The following ERC2 variants were observed in gnomAD, a reference collection of about 807,000 sequenced individuals.
ERC2 encodes ERC protein 2.
ERC2 carries 42 observed loss-of-function variants against 114.8 expected under a neutral mutation model. The observed-to-expected ratio is 0.37, with a 90% CI of 0.29 to 0.47. The LOEUF is 0.47. Among genes scored for constraint, ERC2 ranks in the 20% least tolerant of loss-of-function variants. The pLI, the probability that ERC2 is intolerant of heterozygous loss-of-function variation, is 0.99. For missense variants in ERC2, 939 were observed against 1,150.7 expected (o/e 0.82, Z 2.66); for synonymous variants, 454 against 425.5 (o/e 1.07, Z -0.82).
chr3:55,927,658 G>C (rs976533637), intron 13 of ERC2, among the ~76,000 whole-genome samples: 32 of 151,632 alleles, frequency 2.1e-4, no homozygotes, highest in African/African-American at 7.8e-4. Context: ...GTTGACTCTA[G>C]TCATCCTGTC....
chr3:55,882,039 ACTC>A (rs2063139730), intron 14 of ERC2, among the ~76,000 whole-genome samples: 1 of 151,996 alleles, frequency 6.6e-6, no homozygotes, highest in African/African-American at 2.4e-5. Context: ...CCCCTCCAAA[ACTC>A]CTATTGAAAT....
chr3:56,465,711 A>G (rs1335502617), intron 1 of ERC2, among the ~76,000 whole-genome samples: 1 of 152,222 alleles, frequency 6.6e-6, no homozygotes, highest in Non-Finnish European at 1.5e-5. Flanking sequence ...CAAAATTTTT[A>G]TTTTATTATG....
intron 17 of ERC2, among the ~76,000 whole-genome samples, chr3:55,616,718 A>T (rs2059135078): frequency 6.6e-6 from 1 of 151,706 alleles, no homozygotes; most frequent in South Asian, 2.1e-4. Flanking sequence ...GGTAGGGACT[A>T]GCTTTGTCCC....
chr3:55,977,337 A>G (rs1377420046), intron 12 of ERC2, among the ~76,000 whole-genome samples: 1 of 142,948 alleles, frequency 7.0e-6, no homozygotes, highest in Middle Eastern at 3.4e-3. Flanking sequence ...CATAACAAAA[A>G]CCACCATTAG....
intron 1 of ERC2, among the ~76,000 whole-genome samples, chr3:56,435,749 A>G (rs1317647191): frequency 1.3e-5 from 2 of 152,252 alleles, no homozygotes; most frequent in Non-Finnish European, 2.9e-5. Flanking sequence ...GTATTAACAC[A>G]TGAATTCAAA....
At chr3:55,712,649 G>T (rs2063833347) in intron 15 of ERC2, among the ~76,000 whole-genome samples, 1 of 152,168 alleles carries the variant, frequency 6.6e-6, no homozygotes, top group African/African-American at 2.4e-5. Flanking sequence ...TATCACTGGA[G>T]ATGGGAGACT....
intron 3 of ERC2, among the ~76,000 whole-genome samples, chr3:56,228,783 C>A (rs74932156): frequency 6.6e-6 from 1 of 152,102 alleles, no homozygotes; most frequent in Admixed American, 6.6e-5. Flanking sequence ...CTGATTTGTA[C>A]GTTATGCATT....
At chr3:56,417,887 A>T (rs1273240353) in intron 2 of ERC2, among the ~76,000 whole-genome samples, 1 of 152,242 alleles carries the variant, frequency 6.6e-6, no homozygotes, top group African/African-American at 2.4e-5. Flanking sequence ...ATGTCACTAC[A>T]TGTCCTACAA....
intron 17 of ERC2, among the ~76,000 whole-genome samples, chr3:55,626,425 T>A (rs151292057): frequency 1.7e-3 from 254 of 152,322 alleles, no homozygotes; most frequent in African/African-American, 5.9e-3. Flanking sequence ...CGCTAAAGCA[T>A]ATTTGCTGAG....
intron 2 of ERC2, among the ~76,000 whole-genome samples, chr3:56,350,714 A>G (rs2058521723): frequency 3.3e-5 from 5 of 152,208 alleles, no homozygotes; most frequent in African/African-American, 1.2e-4. Flanking sequence ...ACTGGAGCCA[A>G]GTAAAAAAGG....
chr3:56,259,647 T>TTGATA (rs58550092), intron 3 of ERC2, among the ~76,000 whole-genome samples: 13,474 of 143,960 alleles, frequency 0.094, 817 homozygotes, highest in African/African-American at 0.19. Context: ...TGGTACAGAT[T>TTGATA]TGATATGATA....
At chr3:55,517,844 A>G (rs867865651) in intron 17 of ERC2, among the ~76,000 whole-genome samples, 3 of 152,274 alleles carry the variant, frequency 2.0e-5, no homozygotes, top group African/African-American at 7.2e-5. Flanking sequence ...TAACACAAGC[A>G]TTAGGTACTC....
At chr3:56,044,457 A>G (rs1255219690) in intron 7 of ERC2, among the ~76,000 whole-genome samples, 1 of 152,106 alleles carries the variant, frequency 6.6e-6, no homozygotes, top group African/African-American at 2.4e-5. Flanking sequence ...TTTGAAACCT[A>G]TGGAGGGAAT....
At chr3:56,304,220 C>A (rs1396845474) in intron 2 of ERC2, among the ~76,000 whole-genome samples, 2 of 152,146 alleles carry the variant, frequency 1.3e-5, no homozygotes, top group Non-Finnish European at 1.5e-5. Flanking sequence ...AAGCCACAAA[C>A]AAAATGATGC....
Position 56,058,662 on chromosome 3 carries a change from G to A in ERC2, c.1641+22155C>T, listed in dbSNP as rs187812299. On this transcript the variant is annotated intron_variant, in intron 7 of 17. Coordinates refer to ENST00000288221, the MANE Select transcript of ERC2 (RefSeq NM_015576.3). ...AAAACAAATGGCTGACCTCCCATAG[G>A]CAAGATGGAATTCCTCAGCAGACTG... 1.9e-4 allele frequency among the ~76,000 whole-genome samples: 29 copies of A among 152,244 alleles called. 1 individual carries two copies. The highest frequency in any genetic ancestry group is 1.7e-3 in the Admixed American group (26 of 15,292).
intron 3 of ERC2, among the ~76,000 whole-genome samples, chr3:56,197,393 G>GGACA (rs2048171367): frequency 6.6e-6 from 1 of 152,164 alleles, no homozygotes; most frequent in Non-Finnish European, 1.5e-5. Context: ...AACACTTAAG[G>GGACA]GACAAGTTGA....
At chr3:55,954,122 G>C (rs1351714590) in intron 12 of ERC2, among the ~76,000 whole-genome samples, 1 of 141,620 alleles carries the variant, frequency 7.1e-6, no homozygotes, top group South Asian at 2.2e-4. Flanking sequence ...AGGTTTCTTT[G>C]GGGTGAAATT....
intron 14 of ERC2, among the ~76,000 whole-genome samples, chr3:55,875,589 G>T (rs772806028): frequency 6.6e-6 from 1 of 151,926 alleles, no homozygotes; most frequent in Admixed American, 6.6e-5. Flanking sequence ...TATAGTTCTC[G>T]ATCGCTTTGC....
intron 3 of ERC2, among the ~76,000 whole-genome samples, chr3:56,207,232 T>TTAA (rs2048791151): frequency 6.6e-6 from 1 of 152,104 alleles, no homozygotes. Context: ...AAACAAGGGA[T>TTAA]TATTTTTAAT....
Sources: allele counts gnomAD v4.1 joint callset (sites outside exome capture counted in the v4.1 genomes callset), GRCh38; gene constraint gnomAD v4.1.1; transcripts MANE v1.5; gene names NCBI Gene and HGNC (gene_info 2026-07-23, HGNC 2026-07-21).